PAK5: variants seen among roughly 807,000 people sequenced by gnomAD.
PAK5 encodes p21 (RAC1) activated kinase 5.
Under a neutral mutation model 65.9 loss-of-function variants are expected in PAK5, and 16 were observed. The observed-to-expected ratio is 0.24, with a 90% CI of 0.16 to 0.37. The LOEUF is 0.37. Among genes scored for constraint, PAK5 ranks in the 10% least tolerant of loss-of-function variants. The pLI is 1.00. For missense variants in PAK5, 785 were observed against 903.9 expected, an observed-to-expected ratio of 0.87 and a Z score of 1.69; for synonymous variants, 371 against 354.9, an observed-to-expected ratio of 1.05 and a Z score of -0.51.
intron 1 of PAK5, among the ~76,000 whole-genome samples, chr20:9,798,396 C>T (rs147680508): frequency 1.3e-5 from 2 of 152,038 alleles, no homozygotes; most frequent in African/African-American, 4.8e-5. Flanking sequence ...TTAGACTGTA[C>T]AGGATTCAAA....
chr20:9,581,615 A>G (rs1373086889), intron 3 of PAK5, among the ~76,000 whole-genome samples: 1 of 152,176 alleles, frequency 6.6e-6, no homozygotes, highest in Non-Finnish European at 1.5e-5. Context: ...TTATGGCCAC[A>G]CTTCTGTGTA....
intron 2 of PAK5, among the ~76,000 whole-genome samples, chr20:9,655,641 T>A (rs1299393915): frequency 6.6e-6 from 1 of 152,196 alleles, no homozygotes; most frequent in African/African-American, 2.4e-5. Flanking sequence ...GCTAGATGTA[T>A]CTATCATTCT....
chr20:9,752,996 C>A (rs190867345), intron 1 of PAK5, among the ~76,000 whole-genome samples: 1 of 152,118 alleles, frequency 6.6e-6, no homozygotes, highest in Non-Finnish European at 1.5e-5. Flanking sequence ...ACAGACTACA[C>A]AGAAAGTGGC....
chr20:9,584,854 G>C (rs1339722805), intron 3 of PAK5, among the ~76,000 whole-genome samples: 1 of 152,172 alleles, frequency 6.6e-6, no homozygotes, highest in Admixed American at 6.5e-5. Context: ...ACAATAGGCA[G>C]GTTACTCAAA....
At chr20:9,644,863 T>C (rs1372811258) in intron 2 of PAK5, among the ~76,000 whole-genome samples, 1 of 152,226 alleles carries the variant, frequency 6.6e-6, no homozygotes, top group African/African-American at 2.4e-5. Context: ...TAAATGTATG[T>C]AATGAAGCCA....
At chr20:9,757,831 T>G (rs2048652784) in intron 1 of PAK5, among the ~76,000 whole-genome samples, 1 of 152,192 alleles carries the variant, frequency 6.6e-6, no homozygotes, top group Non-Finnish European at 1.5e-5. Flanking sequence ...AATACTTTGA[T>G]AGTAGTAGAA....
intron 2 of PAK5, among the ~76,000 whole-genome samples, chr20:9,662,657 A>G (rs1484390960): frequency 1.3e-5 from 2 of 152,186 alleles, no homozygotes; most frequent in African/African-American, 2.4e-5. Context: ...CCACTTGCTG[A>G]CCAGGAGCAC....
intron 1 of PAK5, among the ~76,000 whole-genome samples, chr20:9,768,619 C>T (rs202204231): frequency 1.3e-5 from 2 of 151,838 alleles, no homozygotes; most frequent in East Asian, 3.9e-4. Flanking sequence ...CCTGTCTCTA[C>T]TAAAAATACA....
intron 1 of PAK5, among the ~76,000 whole-genome samples, chr20:9,712,086 G>A (rs6056816): frequency 0.69 from 104,796 of 152,008 alleles, 36,292 homozygotes; most frequent in South Asian, 0.85. Context: ...CATAAGGCAC[G>A]TGACAGCCTA....
chr20:9,616,520 A>G (rs2046658907), intron 3 of PAK5, among the ~76,000 whole-genome samples: 1 of 152,212 alleles, frequency 6.6e-6, no homozygotes, highest in East Asian at 1.9e-4. Context: ...AAACTTTAAC[A>G]CATATATACA....
chr20:9,671,392 C>G lies in PAK5; in HGVS notation c.-11-27053G>C, dbSNP rs1040576588. Among the ~76,000 whole-genome samples, 36 of 152,210 alleles carry G rather than the reference C, an allele frequency of 2.4e-4. No homozygotes were observed. In the East Asian group the frequency reaches 3.7e-3, roughly 16 times the overall value. On this transcript the variant is annotated intron_variant, in intron 2 of 9. Coordinates refer to ENST00000353224, the MANE Select transcript of PAK5 (RefSeq NM_177990.4). ...TATGGCCATTTTCACGATATTGATT[C>G]TTCCTACCCATGAGCATAGAATGTT...
chr20:9,631,154 C>T (rs775197034), intron 3 of PAK5, among the ~76,000 whole-genome samples: 9 of 152,128 alleles, frequency 5.9e-5, no homozygotes, highest in Non-Finnish European at 8.8e-5. Flanking sequence ...ACATTGGGAA[C>T]GAGGTAGACA....
At chr20:9,620,653 G>A (rs2046751617) in intron 3 of PAK5, among the ~76,000 whole-genome samples, 1 of 152,158 alleles carries the variant, frequency 6.6e-6, no homozygotes, top group African/African-American at 2.4e-5. Context: ...CCAAGACCGT[G>A]AACTATGGCA....
chr20:9,703,626 C>T (rs1366219788), intron 2 of PAK5, among the ~76,000 whole-genome samples: 2 of 152,078 alleles, frequency 1.3e-5, no homozygotes, highest in East Asian at 1.9e-4. Context: ...GGACTCTCTC[C>T]CCTGTATGTA....
At chr20:9,585,236 G>A (rs1024096856) in intron 3 of PAK5, among the ~76,000 whole-genome samples, 1 of 151,996 alleles carries the variant, frequency 6.6e-6, no homozygotes, top group Non-Finnish European at 1.5e-5. Context: ...AAAATATTCA[G>A]TCTGCTACCA....
At chr20:9,634,977 C>T (rs552321135) in intron 3 of PAK5, among the ~76,000 whole-genome samples, 2 of 152,116 alleles carry the variant, frequency 1.3e-5, no homozygotes, top group African/African-American at 2.4e-5. Flanking sequence ...TCTCTCCTCC[C>T]GCTGAGGGCC....
intron 9 of PAK5, 141 bp downstream of exon 9, chr20:9,542,445 A>T: frequency 1.2e-6 from 1 of 840,486 alleles, no homozygotes. Flanking sequence ...CAGAGATTCA[A>T]ACCTAAGTGA....
At chr20:9,594,455 T>C (rs1453443510) in intron 3 of PAK5, among the ~76,000 whole-genome samples, 2 of 152,204 alleles carry the variant, frequency 1.3e-5, no homozygotes, top group African/African-American at 2.4e-5. Context: ...GAGTTCCTTA[T>C]CTTATTGACA....
At chr20:9,760,673 C>CTTTTTTTTTTTTTTTTTTT (rs5840332) in intron 1 of PAK5, among the ~76,000 whole-genome samples, 1 of 122,826 alleles carries the variant, frequency 8.1e-6, no homozygotes, top group African/African-American at 3.1e-5. Context: ...CTTTTCTTTT[C>CTTTTTTTTTTTTTTTTTTT]TTTTTTTTTT....
Sources: gnomAD v4.1 joint callset for allele counts (sites outside exome capture counted in the v4.1 genomes callset) on GRCh38, gnomAD v4.1.1 for gene constraint, MANE v1.5 for transcripts, NCBI Gene and HGNC (gene_info 2026-07-23, HGNC 2026-07-21) for gene names.